Variants in HDAC9 observed in about 807,000 individuals in gnomAD.
The protein encoded by HDAC9 is histone deacetylase 9, also known as MEF-2 interacting transcription repressor (MITR) protein.
In HDAC9, 41 loss-of-function variants were observed where a neutral mutation model predicts 139.4. That is an observed-to-expected ratio of 0.29 (90% CI 0.23 to 0.38). The LOEUF (loss-of-function observed/expected upper bound fraction) is 0.38, where lower values mean the gene tolerates loss of function less well. Among genes scored for constraint, HDAC9 ranks in the 10% least tolerant of loss-of-function variants. HDAC9 has a pLI of 1.00. For synonymous variants in HDAC9, 517 were observed against 476.2 expected (o/e 1.09, Z -1.12); for missense variants, 1,147 against 1,297.0 (o/e 0.88, Z 1.78).
intron 16 of HDAC9, among the ~76,000 whole-genome samples, chr7:18,786,796 T>TTTCTTTCCTTCCTTCCTTCC (rs1554355285): frequency 2.3e-5 from 1 of 44,062 alleles, no homozygotes; most frequent in African/African-American, 7.5e-5. Flanking sequence ...TCTTTCTTTC[T>TTTCTTTCCTTCCTTCCTTCC]TTCCTTCCTT....
chr7:18,840,972 G>T (rs905160327), intron 21 of HDAC9, among the ~76,000 whole-genome samples: 4 of 152,016 alleles, frequency 2.6e-5, no homozygotes. Context: ...ACCTTTTATT[G>T]TCATATCCAC....
intron 7 of HDAC9, among the ~76,000 whole-genome samples, chr7:18,631,747 C>T (rs1782415992): frequency 6.6e-6 from 1 of 151,938 alleles, no homozygotes; most frequent in African/African-American, 2.4e-5. Context: ...CCTGTGCCTG[C>T]AATGCCTTCT....
chr7:18,593,788 C>T (rs1485684048), intron 5 of HDAC9, 120 bp from the exon 6 acceptor site: 1 of 1,030,220 alleles, frequency 9.7e-7, no homozygotes, highest in Non-Finnish European at 1.5e-6. Context: ...TTTGTATACA[C>T]TAAGGAGAAA....
At chr7:18,676,762 T>C (rs1781539805) in intron 12 of HDAC9, among the ~76,000 whole-genome samples, 1 of 151,940 alleles carries the variant, frequency 6.6e-6, no homozygotes, top group South Asian at 2.1e-4. Context: ...TTTTATGTCT[T>C]TATATGTTTA....
Position 18,542,585 on chromosome 7 carries a change from ACAT to A in HDAC9, c.23-42695_23-42693del, listed in dbSNP as rs1335012150. ...AAAAGATTAATAAGTGACAGTAAAT[ACAT>A]GCAACAAAGCTCAACATCATTAATA... On this transcript the variant is annotated intron_variant, in intron 2 of 25. Coordinates refer to ENST00000686413, the MANE Select transcript of HDAC9 (RefSeq NM_178425.4). 4.6e-5 allele frequency among the ~76,000 whole-genome samples: 7 copies of A among 152,248 alleles called. No homozygotes were observed. In the East Asian group the frequency reaches 1.3e-3, roughly 29 times the overall value.
chr7:18,706,329 C>A (rs1485844944), intron 12 of HDAC9, among the ~76,000 whole-genome samples: 2 of 151,950 alleles, frequency 1.3e-5, no homozygotes, highest in African/African-American at 2.4e-5. Context: ...TTAAAGACTT[C>A]GTTGATTTTT....
intron 21 of HDAC9, among the ~76,000 whole-genome samples, chr7:18,869,808 G>C (rs1798779382): frequency 6.6e-6 from 1 of 151,988 alleles, no homozygotes; most frequent in African/African-American, 2.4e-5. Context: ...AGGCTCAATT[G>C]GATGGAGTGT....
At chr7:18,732,470 G>GTA (rs56901819) in intron 13 of HDAC9, among the ~76,000 whole-genome samples, 7 of 149,436 alleles carry the variant, frequency 4.7e-5, no homozygotes, top group Admixed American at 2.0e-4. Context: ...TTGTATGTGT[G>GTA]TATATACAGT....
chr7:18,375,425 C>T (rs1045460307), intron 1 of HDAC9, among the ~76,000 whole-genome samples: 4 of 152,036 alleles, frequency 2.6e-5, no homozygotes, highest in East Asian at 1.9e-4. Context: ...GCCGAGATCA[C>T]GCCACTGCGC....
intron 12 of HDAC9, among the ~76,000 whole-genome samples, chr7:18,673,866 A>G (rs1182844174): frequency 1.3e-5 from 2 of 152,082 alleles, no homozygotes; most frequent in Non-Finnish European, 2.9e-5. Context: ...TTAAGGGTTT[A>G]AAGATCCTTC....
intron 2 of HDAC9, among the ~76,000 whole-genome samples, chr7:18,571,393 G>C (rs1024306583): frequency 6.6e-6 from 1 of 152,182 alleles, no homozygotes; most frequent in Non-Finnish European, 1.5e-5. Context: ...TTCCCTGGGG[G>C]AAAGGAATAG....
At chr7:18,722,074 G>A (rs1785187936) in intron 12 of HDAC9, among the ~76,000 whole-genome samples, 1 of 152,116 alleles carries the variant, frequency 6.6e-6, no homozygotes, top group Admixed American at 6.6e-5. Context: ...TTATCAGTGG[G>A]AGTGGACAGA....
At chr7:18,403,908 T>G (rs1002287057) in intron 1 of HDAC9, among the ~76,000 whole-genome samples, 4 of 152,188 alleles carry the variant, frequency 2.6e-5, no homozygotes, top group African/African-American at 7.2e-5. Flanking sequence ...GCAGGGTAAA[T>G]AAGCTTCTGT....
At position 18,976,082 on chromosome 7, in the gene HDAC9, C is replaced by T. The variant is rs952869700; in HGVS notation, c.3170+129C>T. The T allele has an allele frequency of 8.7e-6, 7 of 806,168 alleles. No homozygotes were observed. In the Admixed American group the frequency reaches 1.4e-4, roughly 16 times the overall value. The allele number at this position is 806,168 out of a possible 1,614,324, so 49.9% of individuals were successfully genotyped here. On this transcript the variant is annotated intron_variant, in intron 25 of 25. Coordinates refer to ENST00000686413, the MANE Select transcript of HDAC9 (RefSeq NM_178425.4). ...TTCCACCACCTGTCCTCTCCAAAGCCACAGATGCCACAGCACATGCTTTAG... is the reference window on the plus strand; with the variant it reads ...TTCCACCACCTGTCCTCTCCAAAGCTACAGATGCCACAGCACATGCTTTAG...
chr7:18,809,990 C>G (rs77185352), intron 17 of HDAC9, among the ~76,000 whole-genome samples: 2 of 151,960 alleles, frequency 1.3e-5, no homozygotes, highest in Non-Finnish European at 2.9e-5. Flanking sequence ...AGCAGATGAA[C>G]TACAAATAAA....
intron 1 of HDAC9, among the ~76,000 whole-genome samples, chr7:18,360,954 T>C (rs758166127): frequency 6.6e-5 from 10 of 152,228 alleles, no homozygotes; most frequent in Admixed American, 2.6e-4. Flanking sequence ...TAATTACCCT[T>C]GTCTGGGATC....
intron 1 of HDAC9, among the ~76,000 whole-genome samples, chr7:18,145,807 TC>T (rs1786273892): frequency 6.6e-6 from 1 of 152,186 alleles, no homozygotes; most frequent in Admixed American, 6.5e-5. Flanking sequence ...GTGAGGAAGT[TC>T]CTCTAAAGGA....
chr7:18,741,560 G>A (rs1285850044), intron 13 of HDAC9, among the ~76,000 whole-genome samples: 2 of 152,132 alleles, frequency 1.3e-5, no homozygotes, highest in Non-Finnish European at 2.9e-5. Flanking sequence ...GAACTCTGAT[G>A]GACATGTGCA....
intron 23 of HDAC9, among the ~76,000 whole-genome samples, chr7:18,938,826 G>A (rs1781832801): frequency 6.6e-6 from 1 of 152,048 alleles, no homozygotes; most frequent in Admixed American, 6.6e-5. Flanking sequence ...AGAAGGAAAG[G>A]GAATTTAATT....
Sources: allele counts gnomAD v4.1 joint callset (sites outside exome capture counted in the v4.1 genomes callset), GRCh38; gene constraint gnomAD v4.1.1; transcripts MANE v1.5; gene names NCBI Gene and HGNC (gene_info 2026-07-23, HGNC 2026-07-21).